MRTFA: variants seen among roughly 807,000 people sequenced by gnomAD.
MRTFA encodes the protein myocardin related transcription factor A.
In MRTFA, 20 loss-of-function variants were observed where a neutral mutation model predicts 83.5. The observed-to-expected ratio is 0.24, with a 90% CI of 0.17 to 0.35. The LOEUF (loss-of-function observed/expected upper bound fraction) is 0.35, where lower values mean the gene tolerates loss of function less well. MRTFA is among the 10% of genes least tolerant of loss of function. MRTFA has a pLI of 1.00. For missense variants in MRTFA, 1,200 were observed against 1,224.7 expected (o/e 0.98, Z 0.30); for synonymous variants, 659 against 541.2 (o/e 1.22, Z -3.02).
chr22:40,617,180 G>GGGAA (rs1279829444), intron 1 of MRTFA, among the ~76,000 whole-genome samples: 1 of 100,172 alleles, frequency 1.0e-5, no homozygotes, highest in African/African-American at 3.9e-5. Context: ...GAGGGAAGGA[G>GGGAA]GGAAGGAGGG....
At chr22:40,539,123 T>G (rs1292810301) in intron 3 of MRTFA, among the ~76,000 whole-genome samples, 3 of 149,210 alleles carry the variant, frequency 2.0e-5, no homozygotes, top group Non-Finnish European at 4.4e-5. Context: ...GCCTCCCAAG[T>G]AGCTGGGATT....
At chr22:40,616,218 T>C (rs2056447968) in intron 1 of MRTFA, among the ~76,000 whole-genome samples, 2 of 152,214 alleles carry the variant, frequency 1.3e-5, no homozygotes, top group South Asian at 4.1e-4. Flanking sequence ...AACAAGTGGA[T>C]ACCTTAGAGC....
rs568107850 is a variant in MRTFA, at chr22:40,483,539, G to A, written c.242-20253C>T. On this transcript the variant is annotated intron_variant, in intron 3 of 14. Coordinates refer to ENST00000355630, the MANE Select transcript of MRTFA (RefSeq NM_020831.6). ...TCTCTACTAAAAATACAAAAAAGTA[G>A]CCGGGTGTGGTGGGGGGCGCCTGTA... is the stretch of plus-strand genomic sequence containing the variant. 4.6e-5 allele frequency among the ~76,000 whole-genome samples: 7 copies of A among 151,706 alleles called. No individual in the cohort carries two copies. In the South Asian group the frequency reaches 1.5e-3, roughly 32 times the overall value.
intron 4 of MRTFA, among the ~76,000 whole-genome samples, chr22:40,445,536 T>G (rs2053360328): frequency 6.6e-6 from 1 of 152,140 alleles, no homozygotes. Context: ...GGTTTTTTTT[T>G]GTTTTGTTTT....
chr22:40,429,840 A>T, intron 6 of MRTFA, 73 bp from the exon 7 acceptor site: 1 of 1,466,022 alleles, frequency 6.8e-7, no homozygotes, highest in Non-Finnish European at 9.2e-7. Context: ...ACTCCAGAGC[A>T]GCTCTCCTTC....
intron 4 of MRTFA, among the ~76,000 whole-genome samples, chr22:40,462,595 T>C (rs2053734549): frequency 6.6e-6 from 1 of 152,150 alleles, no homozygotes; most frequent in African/African-American, 2.4e-5. Flanking sequence ...TATAATGCTG[T>C]TGGTATTAAA....
intron 4 of MRTFA, among the ~76,000 whole-genome samples, chr22:40,449,794 A>G (rs2053453599): frequency 6.6e-6 from 1 of 152,190 alleles, no homozygotes; most frequent in Admixed American, 6.5e-5. Context: ...GGATCATTGC[A>G]ATGCATATTT....
intron 4 of MRTFA, among the ~76,000 whole-genome samples, chr22:40,460,638 T>TA (rs1352466754): frequency 2.6e-5 from 4 of 152,168 alleles, no homozygotes; most frequent in Non-Finnish European, 4.4e-5. Context: ...AAGGGACAAG[T>TA]AGATGAGAAA....
intron 4 of MRTFA, among the ~76,000 whole-genome samples, chr22:40,451,579 T>C (rs2053487582): frequency 6.6e-6 from 1 of 152,218 alleles, no homozygotes; most frequent in Non-Finnish European, 1.5e-5. Context: ...CAGCGTCTCC[T>C]GCTCTTGACC....
chr22:40,441,243 A>C (rs2053268549), intron 4 of MRTFA, among the ~76,000 whole-genome samples: 1 of 152,212 alleles, frequency 6.6e-6, no homozygotes, highest in South Asian at 2.1e-4. Flanking sequence ...AGGAAAAATA[A>C]GCAAGCTCCC....
chr22:40,524,763 T>G (rs1359487592), intron 3 of MRTFA, among the ~76,000 whole-genome samples: 1 of 152,216 alleles, frequency 6.6e-6, no homozygotes, highest in Non-Finnish European at 1.5e-5. Context: ...CCTGTGTATG[T>G]GCATACACAC....
intron 5 of MRTFA, among the ~76,000 whole-genome samples, chr22:40,432,525 T>C (rs1178958643): frequency 1.3e-5 from 2 of 152,112 alleles, no homozygotes; most frequent in East Asian, 1.9e-4. Flanking sequence ...CCTGACTCTA[T>C]AGAGTCTGTG....
At chr22:40,578,964 C>T (rs1233310590) in intron 2 of MRTFA, among the ~76,000 whole-genome samples, 1 of 151,944 alleles carries the variant, frequency 6.6e-6, no homozygotes, top group East Asian at 1.9e-4. Flanking sequence ...AAAAAGCAGC[C>T]AAGTGTGGTG....
chr22:40,569,585 A>T (rs1199325745), intron 2 of MRTFA, among the ~76,000 whole-genome samples: 4 of 152,162 alleles, frequency 2.6e-5, no homozygotes, highest in African/African-American at 9.7e-5. Flanking sequence ...TTAGTTGGGC[A>T]CGATGGCAGC....
At chr22:40,529,655 G>T (rs947521168) in intron 3 of MRTFA, among the ~76,000 whole-genome samples, 1 of 152,108 alleles carries the variant, frequency 6.6e-6, no homozygotes, top group Non-Finnish European at 1.5e-5. Context: ...AAACCAAAAA[G>T]ATTTTAAAGT....
At chr22:40,484,747 A>G (rs1398666730) in intron 3 of MRTFA, among the ~76,000 whole-genome samples, 1 of 152,180 alleles carries the variant, frequency 6.6e-6, no homozygotes, top group Non-Finnish European at 1.5e-5. Context: ...CTCCTTCAAC[A>G]TACATGAGTA....
At chr22:40,602,174 T>G (rs2147397076) in intron 1 of MRTFA, among the ~76,000 whole-genome samples, 1 of 152,282 alleles carries the variant, frequency 6.6e-6, no homozygotes, top group South Asian at 2.1e-4. Flanking sequence ...TCAAGGTCAT[T>G]GGAGAAATCA....
At chr22:40,592,149 C>A (rs1487990137) in intron 2 of MRTFA, among the ~76,000 whole-genome samples, 1 of 150,314 alleles carries the variant, frequency 6.7e-6, no homozygotes, top group Non-Finnish European at 1.5e-5. Flanking sequence ...ATGTGTGGGC[C>A]AGGCATGGTG....
At chr22:40,511,948 T>C (rs899550121) in intron 3 of MRTFA, among the ~76,000 whole-genome samples, 28 of 152,336 alleles carry the variant, frequency 1.8e-4, no homozygotes, top group African/African-American at 6.3e-4. Context: ...TTTTCCAATA[T>C]ATTTATTTTA....
Sources: allele counts gnomAD v4.1 joint callset (sites outside exome capture counted in the v4.1 genomes callset), GRCh38; gene constraint gnomAD v4.1.1; transcripts MANE v1.5; gene names NCBI Gene and HGNC (gene_info 2026-07-23, HGNC 2026-07-21).